Variants in ZZZ3 observed in about 807,000 individuals in gnomAD.
ZZZ3 encodes the protein ZZ-type zinc finger-containing protein 3.
In ZZZ3, 22 loss-of-function variants were observed where a neutral mutation model predicts 95.2. The observed-to-expected ratio is 0.23, with a 90% CI of 0.17 to 0.33. The LOEUF (loss-of-function observed/expected upper bound fraction) is 0.33. Ranked by LOEUF, ZZZ3 falls within the 10% of genes least tolerant of loss-of-function variation. ZZZ3 has a pLI of 1.00. For synonymous variants in ZZZ3, 335 were observed against 358.9 expected (o/e 0.93, Z 0.75); for missense variants, 885 against 1,066.5 (o/e 0.83, Z 2.37).
intron 4 of ZZZ3, among the ~76,000 whole-genome samples, chr1:77,634,949 C>T (rs1330130067): frequency 6.6e-6 from 1 of 152,128 alleles, no homozygotes; most frequent in Non-Finnish European, 1.5e-5. Flanking sequence ...CCAGTGGTGG[C>T]AATAGTGCAA....
At position 77,576,056 on chromosome 1, in the gene ZZZ3, T is replaced by A; in HGVS notation, c.2331+12A>T. 1 of 1,595,448 alleles carries A rather than the reference T, an allele frequency of 6.3e-7. No homozygotes were observed. The highest frequency in any genetic ancestry group is 8.5e-7 in the Non-Finnish European group (1 of 1,173,642). On this transcript the variant is annotated intron_variant, in intron 12 of 14. Coordinates refer to ENST00000370801, the MANE Select transcript of ZZZ3 (RefSeq NM_015534.6). Reference sequence around the variant, plus strand: ...CCTTGATGTATATAACAACTTGATGTGTATAACTTACTGATGCATCTTCAA... The same window carrying A: ...CCTTGATGTATATAACAACTTGATGAGTATAACTTACTGATGCATCTTCAA...
At chr1:77,623,590 A>C (rs1224428279) in intron 5 of ZZZ3, among the ~76,000 whole-genome samples, 3 of 152,224 alleles carry the variant, frequency 2.0e-5, no homozygotes, top group Non-Finnish European at 1.5e-5. Flanking sequence ...AGGTAAGCAT[A>C]AGCCTTAACA....
intron 5 of ZZZ3, among the ~76,000 whole-genome samples, chr1:77,591,903 A>G (rs900823571): frequency 2.0e-5 from 3 of 152,214 alleles, no homozygotes; most frequent in Non-Finnish European, 4.4e-5. Context: ...GGGCAAAAGG[A>G]GAACTAAAAT....
intron 1 of ZZZ3, among the ~76,000 whole-genome samples, chr1:77,643,067 A>T (rs1285647794): frequency 6.6e-6 from 1 of 152,082 alleles, no homozygotes; most frequent in African/African-American, 2.4e-5. Context: ...AGAAAAAGGT[A>T]GCCACATGTG....
chr1:77,668,787 AG>A (rs1424760409), intron 1 of ZZZ3, among the ~76,000 whole-genome samples: 1 of 152,146 alleles, frequency 6.6e-6, no homozygotes, highest in African/African-American at 2.4e-5. Context: ...TGCCCAAAAC[AG>A]ATGTTCGATA....
chr1:77,648,550 G>A (rs1002030422), intron 1 of ZZZ3, among the ~76,000 whole-genome samples: 20 of 152,092 alleles, frequency 1.3e-4, no homozygotes, highest in Non-Finnish European at 4.4e-5. Context: ...TCTTTTTAAT[G>A]TGAATTGATT....
intron 6 of ZZZ3, among the ~76,000 whole-genome samples, chr1:77,583,139 C>A (rs1271174419): frequency 6.6e-6 from 1 of 151,740 alleles, no homozygotes; most frequent in Non-Finnish European, 1.5e-5. Flanking sequence ...AAATGAAAGT[C>A]CGTTCTAAAC....
intron 1 of ZZZ3, among the ~76,000 whole-genome samples, chr1:77,675,301 C>T (rs527786949): frequency 4.1e-4 from 63 of 152,060 alleles, no homozygotes; most frequent in Middle Eastern, 3.4e-3. Flanking sequence ...TGTGTAACAA[C>T]GGCAGGATCT....
intron 1 of ZZZ3, among the ~76,000 whole-genome samples, chr1:77,666,604 C>T (rs1671271228): frequency 6.6e-6 from 1 of 152,128 alleles, no homozygotes; most frequent in Non-Finnish European, 1.5e-5. Context: ...GTTGAAATCT[C>T]GCTCAATAAA....
Position 77,580,823 on chromosome 1 carries a change from A to G in ZZZ3, c.1980+175T>C, listed in dbSNP as rs1662436234. 7.4e-6 allele frequency: 4 copies of G among 543,154 alleles called. No individual in the cohort carries two copies. In the South Asian group the frequency reaches 9.6e-5, roughly 13 times the overall value. 33.6% of individuals were successfully genotyped at this position (543,154 alleles called of 1,614,324 possible). ...ATTTTTGTATTTTTAGTAGGGTTTC[A>G]CCATGTTGGCCAGGTTGGTCTTGAA... On this transcript the variant is annotated intron_variant, in intron 9 of 14. Transcript: ENST00000370801.
intron 3 of ZZZ3, chr1:77,640,873 A>G (rs903920053): frequency 4.6e-5 from 7 of 152,220 alleles, no homozygotes; most frequent in African/African-American, 1.7e-4. Context: ...TCAGCTAGAA[A>G]GAGAATAGGG....
At chr1:77,666,136 C>T (rs1049347278) in intron 1 of ZZZ3, among the ~76,000 whole-genome samples, 2 of 152,240 alleles carry the variant, frequency 1.3e-5, no homozygotes, top group Non-Finnish European at 2.9e-5. Context: ...AACGTATATA[C>T]GGAATGTAAT....
At chr1:77,587,552 C>T (rs1663224107) in intron 5 of ZZZ3, among the ~76,000 whole-genome samples, 1 of 152,236 alleles carries the variant, frequency 6.6e-6, no homozygotes, top group Non-Finnish European at 1.5e-5. Flanking sequence ...GCGTGAGCCA[C>T]CGCGCCCAGC....
chr1:77,670,290 C>T (rs553084243), intron 1 of ZZZ3, among the ~76,000 whole-genome samples: 89 of 150,974 alleles, frequency 5.9e-4, no homozygotes, highest in African/African-American at 2.1e-3. Context: ...GGCAGAGTCT[C>T]GCTCTGTCAC....
At chr1:77,571,290 AAAT>A (rs766764313) in intron 12 of ZZZ3, among the ~76,000 whole-genome samples, 25 of 151,722 alleles carry the variant, frequency 1.6e-4, no homozygotes, top group Admixed American at 7.9e-4. Context: ...CTGAAAAAAT[AAAT>A]AAATAAATAA....
intron 12 of ZZZ3, 80 bp downstream of exon 12, chr1:77,575,988 T>C: frequency 8.5e-7 from 1 of 1,181,190 alleles, no homozygotes; most frequent in Non-Finnish European, 1.1e-6. Context: ...ACCAACATTC[T>C]CTGAAGAGTG....
chr1:77,613,461 TAAA>T (rs200156851), intron 5 of ZZZ3, among the ~76,000 whole-genome samples: 1 of 141,764 alleles, frequency 7.1e-6, no homozygotes, highest in Non-Finnish European at 1.6e-5. Flanking sequence ...TCCACGCCTT[TAAA>T]AAAAAAAAAA....
At chr1:77,644,097 CT>C (rs1669036144) in intron 1 of ZZZ3, among the ~76,000 whole-genome samples, 2 of 150,546 alleles carry the variant, frequency 1.3e-5, no homozygotes, top group South Asian at 4.2e-4. Context: ...CGGCGTTTTG[CT>C]CTTGTTGCCC....
chr1:77,646,264 G>C (rs1029903627), intron 1 of ZZZ3, among the ~76,000 whole-genome samples: 7 of 151,882 alleles, frequency 4.6e-5, no homozygotes, highest in Admixed American at 4.6e-4. Flanking sequence ...CTGTTGCCCA[G>C]GCTGGAGCGT....
Sources: allele counts gnomAD v4.1 joint callset (sites outside exome capture counted in the v4.1 genomes callset), GRCh38; gene constraint gnomAD v4.1.1; transcripts MANE v1.5; gene names NCBI Gene and HGNC (gene_info 2026-07-23, HGNC 2026-07-21).